DCC: variants seen among roughly 807,000 people sequenced by gnomAD.
DCC encodes the protein DCC netrin 1 receptor, also known as netrin receptor DCC.
In DCC, 58 loss-of-function variants were observed where a neutral mutation model predicts 172.5. The observed-to-expected ratio is 0.34, with a 90% CI of 0.27 to 0.42. The LOEUF (loss-of-function observed/expected upper bound fraction) is 0.42. DCC is among the 10% of genes least tolerant of loss of function. DCC has a pLI of 1.00. For synonymous variants in DCC, 709 were observed against 644.5 expected (o/e 1.10, Z -1.52); for missense variants, 1,740 against 1,791.0 (o/e 0.97, Z 0.51).
intron 1 of DCC, among the ~76,000 whole-genome samples, chr18:52,613,084 T>G (rs1322146893): frequency 6.6e-6 from 1 of 152,200 alleles, no homozygotes; most frequent in African/African-American, 2.4e-5. Flanking sequence ...CTGCCATATC[T>G]CTAGGCAAGC....
At chr18:53,478,797 A>C (rs536996379) in intron 25 of DCC, among the ~76,000 whole-genome samples, 50 of 152,326 alleles carry the variant, frequency 3.3e-4, no homozygotes, top group South Asian at 3.1e-3. Flanking sequence ...TGAGAAGTGA[A>C]ATAAAGCTAC....
intron 1 of DCC, among the ~76,000 whole-genome samples, chr18:52,484,426 T>C (rs534533630): frequency 3.3e-5 from 5 of 152,274 alleles, no homozygotes; most frequent in African/African-American, 1.2e-4. Context: ...GGAGGAACTC[T>C]ATCATTCTTA....
At chr18:53,280,521 C>G (rs1358118950) in intron 12 of DCC, among the ~76,000 whole-genome samples, 3 of 152,084 alleles carry the variant, frequency 2.0e-5, no homozygotes, top group African/African-American at 4.8e-5. Flanking sequence ...GATGAAGGAG[C>G]ATGCTCTGGA....
intron 1 of DCC, among the ~76,000 whole-genome samples, chr18:52,640,533 T>C (rs762665268): frequency 6.6e-6 from 1 of 152,106 alleles, no homozygotes; most frequent in Non-Finnish European, 1.5e-5. Flanking sequence ...AAGATTAATG[T>C]ACACAAATTA....
chr18:53,386,771 A>C (rs1039122734), intron 16 of DCC, among the ~76,000 whole-genome samples: 1 of 152,194 alleles, frequency 6.6e-6, no homozygotes, highest in African/African-American at 2.4e-5. Flanking sequence ...CATAAGAGTG[A>C]AAGGGCTCAA....
chr18:52,855,816 A>T (rs1224632831), intron 2 of DCC, among the ~76,000 whole-genome samples: 2 of 130,692 alleles, frequency 1.5e-5, no homozygotes, highest in Admixed American at 1.9e-4. Context: ...CCCAGACTGG[A>T]GTACAATGGT....
chr18:52,929,187 T>C (rs11659774), intron 5 of DCC, among the ~76,000 whole-genome samples: 59,638 of 151,878 alleles, frequency 0.39, 12,326 homozygotes, highest in Non-Finnish European at 0.47. Flanking sequence ...GTGCTACTTT[T>C]AATCCCGTTT....
intron 2 of DCC, among the ~76,000 whole-genome samples, chr18:52,827,783 G>A (rs72920123): frequency 0.1 from 15,442 of 152,102 alleles, 1,594 homozygotes; most frequent in East Asian, 0.6. Context: ...TAAAATGTAT[G>A]TATTCCCCTT....
intron 1 of DCC, among the ~76,000 whole-genome samples, chr18:52,602,400 AGT>A (rs71175506): frequency 2.7e-5 from 4 of 148,626 alleles, no homozygotes; most frequent in African/African-American, 7.4e-5. Context: ...TTAGTATCAA[AGT>A]GTGTGTGTGT....
intron 1 of DCC, among the ~76,000 whole-genome samples, chr18:52,494,075 A>G (rs1290152595): frequency 6.6e-6 from 1 of 151,866 alleles, no homozygotes; most frequent in Non-Finnish European, 1.5e-5. Flanking sequence ...TTTTGCCTTC[A>G]CTTTTGATGG....
chr18:53,049,425 C>T (rs1247052027), intron 5 of DCC, among the ~76,000 whole-genome samples: 6 of 152,036 alleles, frequency 3.9e-5, no homozygotes, highest in African/African-American at 7.2e-5. Context: ...ATTCCAGGAC[C>T]ATTTATTAAA....
chr18:53,239,701 T>G (rs774818570), intron 12 of DCC, among the ~76,000 whole-genome samples: 79 of 152,300 alleles, frequency 5.2e-4, no homozygotes, highest in Non-Finnish European at 8.8e-4. Flanking sequence ...GAATGCTTAA[T>G]ATTTGATCCC....
intron 2 of DCC, among the ~76,000 whole-genome samples, chr18:52,826,120 A>T (rs1279731436): frequency 1.3e-5 from 2 of 152,214 alleles, no homozygotes; most frequent in Non-Finnish European, 2.9e-5. Context: ...TGAAGATGCT[A>T]TTTTAAGCTG....
chr18:52,358,527 T>C (rs1284761098), intron 1 of DCC, among the ~76,000 whole-genome samples: 1 of 152,242 alleles, frequency 6.6e-6, no homozygotes, highest in Admixed American at 6.5e-5. Context: ...TTTACCATAT[T>C]ACCATATTTC....
intron 1 of DCC, among the ~76,000 whole-genome samples, chr18:52,714,023 T>G (rs2036338680): frequency 6.6e-6 from 1 of 152,218 alleles, no homozygotes; most frequent in Admixed American, 6.5e-5. Flanking sequence ...ATACTACCTC[T>G]AAACTACTGC....
At chr18:53,149,855 A>G (rs1377243367) in intron 7 of DCC, among the ~76,000 whole-genome samples, 1 of 152,208 alleles carries the variant, frequency 6.6e-6, no homozygotes, top group Non-Finnish European at 1.5e-5. Context: ...CCTTTTTAGC[A>G]TACAACTTTT....
intron 8 of DCC, among the ~76,000 whole-genome samples, chr18:53,160,120 T>C (rs1261723838): frequency 6.6e-6 from 1 of 152,198 alleles, no homozygotes; most frequent in Non-Finnish European, 1.5e-5. Context: ...CTGCTTATCA[T>C]ACAATTTTGT....
chr18:53,216,479 A>G (rs2055852178), intron 12 of DCC, among the ~76,000 whole-genome samples: 1 of 152,166 alleles, frequency 6.6e-6, no homozygotes, highest in Non-Finnish European at 1.5e-5. Flanking sequence ...GTCTTAGCAA[A>G]GTTTTCAACC....
Position 53,480,620 on chromosome 18 carries a change from A to G in DCC, c.3737-6177A>G, listed in dbSNP as rs192722161. Among the ~76,000 whole-genome samples the G allele has an allele frequency of 4.5e-3, 689 of 152,240 alleles. 11 individuals are homozygous for G. The highest frequency in any genetic ancestry group is 0.014 in the Middle Eastern group (4 of 294). ...TGGATGGATCTGTTGCAGCCTTGCA[A>G]ATTAATTACAATGCCCAACATTTAT... On this transcript the variant is annotated intron_variant, in intron 25 of 28. Coordinates refer to ENST00000442544, the MANE Select transcript of DCC (RefSeq NM_005215.4).
Sources: allele counts gnomAD v4.1 joint callset (sites outside exome capture counted in the v4.1 genomes callset), GRCh38; gene constraint gnomAD v4.1.1; transcripts MANE v1.5; gene names NCBI Gene and HGNC (gene_info 2026-07-23, HGNC 2026-07-21).